The following PKNOX2 variants were observed in gnomAD, a reference collection of about 807,000 sequenced individuals.
PKNOX2 encodes PBX/knotted 1 homeobox 2, also known as homeobox protein PKNOX2.
Under a neutral mutation model 53.1 loss-of-function variants are expected in PKNOX2, and 14 were observed. The observed-to-expected ratio is 0.26, with a 90% CI of 0.17 to 0.41. The LOEUF (loss-of-function observed/expected upper bound fraction) is 0.41, where lower values mean the gene tolerates loss of function less well. Ranked by LOEUF, PKNOX2 falls within the 10% of genes least tolerant of loss-of-function variation. The pLI, the probability that PKNOX2 is intolerant of heterozygous loss-of-function variation, is 1.00. For missense variants in PKNOX2, 496 were observed against 602.8 expected, an observed-to-expected ratio of 0.82 and a Z score of 1.85; for synonymous variants, 257 against 242.8, an observed-to-expected ratio of 1.06 and a Z score of -0.54.
intron 7 of PKNOX2, among the ~76,000 whole-genome samples, chr11:125,399,027 T>C (rs1007526740): frequency 1.3e-5 from 2 of 152,200 alleles, no homozygotes; most frequent in Non-Finnish European, 2.9e-5. Context: ...ATGTACTCTA[T>C]CTCCCCAGAT....
chr11:125,354,525 T>C (rs1173513972), intron 4 of PKNOX2, among the ~76,000 whole-genome samples: 1 of 152,200 alleles, frequency 6.6e-6, no homozygotes, highest in Non-Finnish European at 1.5e-5. Flanking sequence ...CGCAGAGCCC[T>C]TCCTCTGAGA....
intron 2 of PKNOX2, among the ~76,000 whole-genome samples, chr11:125,319,885 A>T (rs73621061): frequency 0.022 from 3,328 of 152,308 alleles, 107 homozygotes; most frequent in African/African-American, 0.063. Flanking sequence ...TGGAGGCCAA[A>T]CAGCAAGCTA....
intron 11 of PKNOX2, 65 bp downstream of exon 11, chr11:125,429,153 C>T (rs1245273477): frequency 8.2e-6 from 12 of 1,455,346 alleles, no homozygotes; most frequent in East Asian, 2.3e-5. Flanking sequence ...CAGGGGAATG[C>T]GTAGCAGGGA....
intron 2 of PKNOX2, among the ~76,000 whole-genome samples, chr11:125,253,470 G>T (rs1223005738): frequency 6.6e-6 from 1 of 152,122 alleles, no homozygotes; most frequent in African/African-American, 2.4e-5. Context: ...CCCTCCGCTT[G>T]CTGTTCTGCT....
chr11:125,341,378 GA>G (rs1433097165), intron 3 of PKNOX2, among the ~76,000 whole-genome samples: 1 of 150,966 alleles, frequency 6.6e-6, no homozygotes, highest in Non-Finnish European at 1.5e-5. Context: ...AAAAAGGAAA[GA>G]AAAAAAGGAG....
At chr11:125,325,806 T>C (rs1006532682) in intron 2 of PKNOX2, among the ~76,000 whole-genome samples, 2 of 152,208 alleles carry the variant, frequency 1.3e-5, no homozygotes, top group African/African-American at 4.8e-5. Flanking sequence ...CAAGGTTGTC[T>C]GACTTCACCT....
chr11:125,198,319 T>C (rs988644014), intron 1 of PKNOX2, among the ~76,000 whole-genome samples: 2 of 152,138 alleles, frequency 1.3e-5, no homozygotes, highest in Admixed American at 1.3e-4. Context: ...CCATCCGCTT[T>C]TTGGATAGAA....
At position 125,410,791 on chromosome 11, in the gene PKNOX2, A is replaced by G; in HGVS notation, c.731A>G (p.Tyr244Cys). The change falls in exon 9 of 13, where the codon TAC (tyrosine) becomes TGC (cysteine). Residue 244 changes from tyrosine (Y) to cysteine (C), a missense_variant. By Grantham distance (194) the Tyr-to-Cys change is radical. Transcript: ENST00000298282. ...GTTGTCTCCTCAGGTGGAGCCTTATACCAACCGGTTACCATGGTAACCTCC... is the reference window on the plus strand; with the variant it reads ...GTTGTCTCCTCAGGTGGAGCCTTATGCCAACCGGTTACCATGGTAACCTCC... ...NSQVVSGGAL[Y>C]QPVTMVTSQG... 1.9e-6 allele frequency: 3 copies of G among 1,613,984 alleles called. No homozygotes were observed. The South Asian group carries it at 3.3e-5, about 18-fold the overall frequency.
At chr11:125,330,475 G>T (rs1010703586) in intron 2 of PKNOX2, 4 of 152,186 alleles carry the variant, frequency 2.6e-5, no homozygotes, top group African/African-American at 9.7e-5. Flanking sequence ...CTTGGAAGGA[G>T]CCTGGGGTGC....
chr11:125,300,699 A>G (rs1367659024), intron 2 of PKNOX2, among the ~76,000 whole-genome samples: 1 of 152,036 alleles, frequency 6.6e-6, no homozygotes, highest in African/African-American at 2.4e-5. Context: ...GAGGGAGGGA[A>G]AGTTGAAAAT....
chr11:125,383,250 T>A (rs1353305785), intron 5 of PKNOX2, among the ~76,000 whole-genome samples: 1 of 152,080 alleles, frequency 6.6e-6, no homozygotes. Flanking sequence ...AGCTAGATAT[T>A]CAGTCCTTCT....
At chr11:125,317,050 C>A (rs955629993) in intron 2 of PKNOX2, among the ~76,000 whole-genome samples, 14 of 152,190 alleles carry the variant, frequency 9.2e-5, no homozygotes, top group Non-Finnish European at 1.5e-5. Flanking sequence ...AGTATCTTCA[C>A]CAGGAGGAGA....
At chr11:125,205,382 A>G (rs1938969905) in intron 1 of PKNOX2, among the ~76,000 whole-genome samples, 3 of 152,214 alleles carry the variant, frequency 2.0e-5, no homozygotes, top group African/African-American at 7.2e-5. Context: ...CATGTTCTTC[A>G]TGCAGCACAT....
chr11:125,180,718 T>A (rs969957433), intron 1 of PKNOX2, among the ~76,000 whole-genome samples: 7 of 152,214 alleles, frequency 4.6e-5, no homozygotes, highest in African/African-American at 1.7e-4. Flanking sequence ...TCCAGCTTCC[T>A]GGTGTTCTGC....
At chr11:125,306,939 G>A (rs555179980) in intron 2 of PKNOX2, among the ~76,000 whole-genome samples, 1 of 152,334 alleles carries the variant, frequency 6.6e-6, no homozygotes, top group South Asian at 2.1e-4. Flanking sequence ...CAGTAGGGTT[G>A]AGAGGGTGAA....
intron 1 of PKNOX2, among the ~76,000 whole-genome samples, chr11:125,201,994 C>G (rs1162328444): frequency 1.3e-5 from 2 of 152,160 alleles, no homozygotes; most frequent in African/African-American, 4.8e-5. Context: ...CTTCATGAAG[C>G]CAGACAGAAT....
chr11:125,297,717 G>A (rs1198512222), intron 2 of PKNOX2, among the ~76,000 whole-genome samples: 1 of 152,080 alleles, frequency 6.6e-6, no homozygotes, highest in African/African-American at 2.4e-5. Flanking sequence ...CATCCTGCAT[G>A]CATTATGCTA....
rs545041407 is a variant in PKNOX2 at position 125,220,092 on chromosome 11, G to A, written c.-200-14953G>A. 2.6e-5 allele frequency among the ~76,000 whole-genome samples: 4 copies of A among 152,022 alleles called. No individual in the cohort carries two copies. In the South Asian group the frequency reaches 8.3e-4, roughly 32 times the overall value. ...AAAGAGAAATGAGAAAGTTTTCTTT[G>A]TACTGATAAAGATCTCCAAAATATG... On this transcript the variant is annotated intron_variant, in intron 1 of 12. Transcript: ENST00000298282.
At chr11:125,294,372 G>A (rs1292129118) in intron 2 of PKNOX2, among the ~76,000 whole-genome samples, 1 of 152,168 alleles carries the variant, frequency 6.6e-6, no homozygotes, top group Non-Finnish European at 1.5e-5. Context: ...ATAGCTAGGT[G>A]GCCAGAAGAG....
Sources: gnomAD v4.1 joint callset for allele counts (sites outside exome capture counted in the v4.1 genomes callset) on GRCh38, gnomAD v4.1.1 for gene constraint, MANE v1.5 for transcripts, NCBI Gene and HGNC (gene_info 2026-07-23, HGNC 2026-07-21) for gene names.